TAFA2: variants seen among roughly 807,000 people sequenced by gnomAD.
The protein encoded by TAFA2 is chemokine-like protein TAFA-2.
TAFA2 carries 7 observed loss-of-function variants against 18.8 expected under a neutral mutation model. That is an observed-to-expected ratio of 0.37 (90% CI 0.21 to 0.70). The LOEUF (loss-of-function observed/expected upper bound fraction) is 0.70, where lower values mean the gene tolerates loss of function less well. Ranked by LOEUF, TAFA2 falls within the 30% of genes least tolerant of loss-of-function variation. The pLI, the probability that TAFA2 is intolerant of heterozygous loss-of-function variation, is 0.53. For missense variants in TAFA2, 122 were observed against 158.1 expected, an observed-to-expected ratio of 0.77 and a Z score of 1.23; for synonymous variants, 60 against 54.2, an observed-to-expected ratio of 1.11 and a Z score of -0.47.
chr12:62,175,559 T>G (rs957762942), intron 1 of TAFA2, among the ~76,000 whole-genome samples: 2 of 152,184 alleles, frequency 1.3e-5, no homozygotes, highest in East Asian at 3.8e-4. Flanking sequence ...AATAAGCTCC[T>G]TTTATACCAT....
At chr12:61,716,764 G>A (rs7954202) in intron 4 of TAFA2, among the ~76,000 whole-genome samples, 130,160 of 152,120 alleles carry the variant, frequency 0.86, 55,659 homozygotes, top group African/African-American at 0.88. Flanking sequence ...GTTATTAGAT[G>A]AACATTTATT....
intron 1 of TAFA2, among the ~76,000 whole-genome samples, chr12:61,932,271 G>T (rs1707299406): frequency 6.6e-6 from 1 of 152,206 alleles, no homozygotes; most frequent in Admixed American, 6.5e-5. Flanking sequence ...GATAAGGTGA[G>T]ATGATGCACA....
chr12:62,111,338 T>C (rs1869720978), intron 1 of TAFA2, among the ~76,000 whole-genome samples: 2 of 152,222 alleles, frequency 1.3e-5, no homozygotes, highest in Admixed American at 1.3e-4. Flanking sequence ...TTGATTACAC[T>C]GTGGTCTGAG....
chr12:61,720,666 C>T, intron 4 of TAFA2: 5 of 316,772 alleles, frequency 1.6e-5, no homozygotes, highest in South Asian at 1.3e-4. Flanking sequence ...ACAGTTAATC[C>T]TGTTAGCACC....
At chr12:62,257,179 T>TATATACACA (rs1416763247) in intron 1 of TAFA2, among the ~76,000 whole-genome samples, 13 of 151,852 alleles carry the variant, frequency 8.6e-5, no homozygotes, top group Non-Finnish European at 1.8e-4. Context: ...TGTGTGTGTG[T>TATATACACA]GTGTGTGTGT....
At chr12:62,011,868 T>C (rs1397008022) in intron 1 of TAFA2, among the ~76,000 whole-genome samples, 2 of 152,160 alleles carry the variant, frequency 1.3e-5, no homozygotes, top group African/African-American at 4.8e-5. Context: ...AAACCTCAGT[T>C]TGCCTCATCT....
At chr12:62,071,669 G>T (rs1010247344) in intron 1 of TAFA2, among the ~76,000 whole-genome samples, 4 of 152,216 alleles carry the variant, frequency 2.6e-5, no homozygotes, top group Non-Finnish European at 4.4e-5. Context: ...TCTAAAGAGA[G>T]TTGTAGACCT....
At chr12:62,083,332 C>A (rs1868351891) in intron 1 of TAFA2, among the ~76,000 whole-genome samples, 1 of 151,854 alleles carries the variant, frequency 6.6e-6, no homozygotes, top group Admixed American at 6.6e-5. Context: ...TCCTTCTATA[C>A]CTCCCTGCTA....
intron 1 of TAFA2, among the ~76,000 whole-genome samples, chr12:62,005,360 G>A (rs559947548): frequency 2.0e-4 from 30 of 151,988 alleles, no homozygotes; most frequent in African/African-American, 6.5e-4. Context: ...TATTGCTATC[G>A]TCTCCACTTT....
At chr12:62,179,292 C>T (rs973268542) in intron 1 of TAFA2, among the ~76,000 whole-genome samples, 1 of 152,020 alleles carries the variant, frequency 6.6e-6, no homozygotes, top group East Asian at 1.9e-4. Context: ...GGGAGGAAGT[C>T]GACAGAAAGG....
chr12:61,978,763 A>G (rs1363937124), intron 1 of TAFA2, among the ~76,000 whole-genome samples: 1 of 152,130 alleles, frequency 6.6e-6, no homozygotes, highest in Non-Finnish European at 1.5e-5. Flanking sequence ...AGCCCCTCCC[A>G]GGCTCAAAGT....
intron 1 of TAFA2, among the ~76,000 whole-genome samples, chr12:62,014,019 T>C (rs1030057883): frequency 6.6e-6 from 1 of 152,230 alleles, no homozygotes; most frequent in African/African-American, 2.4e-5. Flanking sequence ...AAATACTTGA[T>C]ATCTGACTGT....
chr12:62,066,169 G>T (rs1249706950), intron 1 of TAFA2, among the ~76,000 whole-genome samples: 2 of 147,466 alleles, frequency 1.4e-5, no homozygotes, highest in African/African-American at 2.5e-5. Flanking sequence ...ACATAGTAGG[G>T]TATATATATT....
chr12:61,856,252 T>G (rs1204680603), intron 2 of TAFA2, among the ~76,000 whole-genome samples: 1 of 152,104 alleles, frequency 6.6e-6, no homozygotes, highest in Non-Finnish European at 1.5e-5. Flanking sequence ...ATATGCTAAT[T>G]GACTGAATGT....
At position 61,749,156 on chromosome 12, in the gene TAFA2, C is replaced by T. The variant is rs559859700; in HGVS notation, c.384+4466G>A. Among the ~76,000 whole-genome samples the T allele has an allele frequency of 3.3e-5, 5 of 151,646 alleles. No homozygotes were observed. The East Asian group carries it at 9.8e-4, about 30-fold the overall frequency. ...GGTGTGGTGGGGCATGCCAGTAATC[C>T]TAGCTACTTGGGAGGCTAAGGCATG... On this transcript the variant is annotated intron_variant, in intron 4 of 4. Coordinates refer to ENST00000416284, the MANE Select transcript of TAFA2 (RefSeq NM_178539.5).
At chr12:62,123,462 T>C (rs1043185261) in intron 1 of TAFA2, among the ~76,000 whole-genome samples, 13 of 151,734 alleles carry the variant, frequency 8.6e-5, no homozygotes, top group African/African-American at 3.1e-4. Flanking sequence ...AATGGAAATG[T>C]ATAAGAATTC....
intron 1 of TAFA2, among the ~76,000 whole-genome samples, chr12:61,971,218 T>C (rs1879235502): frequency 6.6e-6 from 1 of 151,578 alleles, no homozygotes; most frequent in Non-Finnish European, 1.5e-5. Flanking sequence ...GTTATCTGGG[T>C]CTTGAAGGAT....
At chr12:62,232,524 T>C (rs1028582997) in intron 1 of TAFA2, among the ~76,000 whole-genome samples, 4 of 152,108 alleles carry the variant, frequency 2.6e-5, no homozygotes, top group African/African-American at 9.7e-5. Context: ...TCTTTGTTTG[T>C]TTGTTCTGAC....
At chr12:62,085,311 T>C (rs1868406311) in intron 1 of TAFA2, among the ~76,000 whole-genome samples, 1 of 152,246 alleles carries the variant, frequency 6.6e-6, no homozygotes, top group East Asian at 1.9e-4. Context: ...TTTTCAATGT[T>C]ATATTTGTGT....
Sources: gnomAD v4.1 joint callset for allele counts (sites outside exome capture counted in the v4.1 genomes callset) on GRCh38, gnomAD v4.1.1 for gene constraint, MANE v1.5 for transcripts, NCBI Gene and HGNC (gene_info 2026-07-23, HGNC 2026-07-21) for gene names.